SON: variants seen among roughly 807,000 people sequenced by gnomAD.
The protein encoded by SON is SON DNA and RNA binding protein.
In SON, 4 loss-of-function variants were observed where a neutral mutation model predicts 173.3. That is an observed-to-expected ratio of 0.02 (90% CI 0.01 to 0.05). The LOEUF (loss-of-function observed/expected upper bound fraction) is 0.05. SON is among the 10% of genes least tolerant of loss of function. SON has a pLI of 1.00. For synonymous variants in SON, 1,190 were observed against 1,105.9 expected, an observed-to-expected ratio of 1.08 and a Z score of -1.51; for missense variants, 2,626 against 3,055.3, an observed-to-expected ratio of 0.86 and a Z score of 3.31.
chr21:33,546,348 G>A lies in SON; in HGVS notation c.213G>A (p.Gly71=), dbSNP rs1293409312. 2 of 1,612,098 alleles carry A rather than the reference G, an allele frequency of 1.2e-6. No homozygotes were observed. Among genetic ancestry groups the A allele is most frequent in the African/African-American group, 2.7e-5 (2 of 74,892 alleles). The change falls in exon 2 of 12, where the codon GGG becomes GGA. Residue 71 remains glycine (G), a synonymous_variant. Transcript: ENST00000356577. ...IVQKIEEVLS[G]VLDTELRYKP... ...AGAAGATAGAGGAAGTACTTTCTGG[G>A]GTCTTAGATACAGAACTACGATATA...
rs2086041373 is a variant in SON, at chr21:33,559,983, G to A, written c.6657+208G>A. On this transcript the variant is annotated intron_variant, in intron 6 of 11. Coordinates refer to ENST00000356577, the MANE Select transcript of SON (RefSeq NM_138927.4). This position sits in a 1 kb window ranked among gnomAD's most constrained non-coding sequence, Gnocchi z 4.1. Reference sequence around the variant, plus strand: ...TCACTTTGTGGAACCAAGCCACAAAGTGAAAAGCATCGAATTGCAGAGAAC... The same window carrying A: ...TCACTTTGTGGAACCAAGCCACAAAATGAAAAGCATCGAATTGCAGAGAAC... 1 of 1,614,210 alleles carries A rather than the reference G, an allele frequency of 6.2e-7. No homozygotes were observed. Among genetic ancestry groups the A allele is most frequent in the Non-Finnish European group, 8.5e-7 (1 of 1,180,020 alleles).
rs190642317 is a variant in SON, at chr21:33,548,754, G to T, written c.245-722G>T. Among the ~76,000 whole-genome samples, 68 of 152,282 alleles carry T rather than the reference G, an allele frequency of 4.5e-4. 3 individuals carry two copies. The East Asian group carries it at 0.012, about 28-fold the overall frequency. ...CATGTTGCTTCCTGTATAAACAAGG[G>T]TTAATAATCGCAAAAATTATATTAT... On this transcript the variant is annotated intron_variant, in intron 2 of 11. Coordinates refer to ENST00000356577, the MANE Select transcript of SON (RefSeq NM_138927.4).
chr21:33,554,726 C>G lies in SON; in HGVS notation c.5495C>G (p.Ser1832Cys), dbSNP rs2085919109. 1 of 1,613,884 alleles carries G rather than the reference C, an allele frequency of 6.2e-7. No homozygotes were observed. The highest frequency in any genetic ancestry group is 8.5e-7 in the Non-Finnish European group (1 of 1,180,030). ...LRSRSKRSKS[S>C]EHKSRKRTSE... ...TCTCGAAGTAAGCGTTCCAAATCTT[C>G]TGAACACAAATCACGCAAGCGTACC... The change falls in exon 3 of 12, where the codon TCT (serine) becomes TGT (cysteine). Residue 1832 changes from serine (S) to cysteine (C), a missense_variant. Ser to Cys is a moderately radical substitution (Grantham distance 112). Coordinates refer to ENST00000356577, the MANE Select transcript of SON (RefSeq NM_138927.4).
At chr21:33,560,493 A>C in intron 6 of SON, 3 of 1,008,016 alleles carry the variant, frequency 3.0e-6, no homozygotes, top group Non-Finnish European at 3.6e-6. Context: ...GCCAAGTGTC[A>C]AAACAACCCC....
chr21:33,565,770 TTAACA>T (rs2086157649), intron 6 of SON, among the ~76,000 whole-genome samples: 1 of 152,226 alleles, frequency 6.6e-6, no homozygotes, highest in African/African-American at 2.4e-5. Context: ...GATTTATATA[TTAACA>T]TAAACAGTCT....
In SON at chr21:33,553,288, G is replaced by C. The variant is rs758273176; in HGVS notation, c.4057G>C (p.Glu1353Gln). ...ILEPPAMAAP[E>Q]SSAMAVLESS... ...GGAGCCGCCAGCCATGGCTGCCCCA[G>C]AGTCTTCAGCTATGGCTGTCCTGGA... is the stretch of plus-strand genomic sequence containing the variant. The change falls in exon 3 of 12, where the codon GAG (glutamate) becomes CAG (glutamine). Residue 1353 changes from glutamate (E) to glutamine (Q), a missense_variant. Transcript: ENST00000356577. 1.2e-6 allele frequency: 2 copies of C among 1,614,208 alleles called. No homozygotes were observed. The highest frequency in any genetic ancestry group is 1.7e-6 in the Non-Finnish European group (2 of 1,180,018).
chr21:33,564,714 G>A (rs1311139834), intron 6 of SON, among the ~76,000 whole-genome samples: 1 of 152,000 alleles, frequency 6.6e-6, no homozygotes, highest in African/African-American at 2.4e-5. Flanking sequence ...TACAAAATTA[G>A]CCGGGGGTGG....
intron 4 of SON, 154 bp downstream of exon 4, chr21:33,557,470 C>CG: frequency 6.5e-7 from 1 of 1,547,942 alleles, no homozygotes; most frequent in Non-Finnish European, 8.7e-7. Context: ...GGCAGAAGCT[C>CG]TGTTTAGCAG....
intron 4 of SON, 182 bp downstream of exon 4, chr21:33,557,498 C>T (rs2085991272): frequency 6.4e-7 from 1 of 1,550,948 alleles, no homozygotes; most frequent in Non-Finnish European, 8.7e-7. Flanking sequence ...TCCGGGATGG[C>T]TAAGCTCCGC....
chr21:33,551,542 A>G lies in SON; in HGVS notation c.2311A>G (p.Met771Val), dbSNP rs1366809164. Residue 771 changes from methionine (M) to valine (V), a missense_variant, in exon 3 of 12, where the codon ATG becomes GTG. Physicochemically the swap from Met to Val is conservative, Grantham distance 21. Around this residue, in one of 13 missense-constraint regions of SON, gnomAD observed 182 missense variants for 193.6 expected, o/e 0.94. Transcript: ENST00000356577. ...MDSQMLATSS[M>V]DSQMLATSSM... Reference sequence around the variant, plus strand: ...CTCCCAGATGTTAGCAACTAGCTCCATGGACTCCCAGATGTTAGCAACTAG... The same window carrying G: ...CTCCCAGATGTTAGCAACTAGCTCCGTGGACTCCCAGATGTTAGCAACTAG... The G allele has an allele frequency of 1.9e-6, 3 of 1,613,826 alleles. No individual in the cohort carries two copies. Among genetic ancestry groups the G allele is most frequent in the Non-Finnish European group, 2.5e-6 (3 of 1,179,982 alleles).
intron 8 of SON, chr21:33,569,760 G>C (rs771703623): frequency 3.2e-6 from 1 of 309,844 alleles, no homozygotes; most frequent in African/African-American, 2.3e-5. Flanking sequence ...CTGGAGTGGG[G>C]TGGGCTGTGG....
Position 33,551,760 on chromosome 21 carries a change from T to G in SON, c.2529T>G (p.Ser843=). Residue 843 remains serine (S), a synonymous_variant, in exon 3 of 12, where the codon TCT becomes TCG. Transcript: ENST00000356577. Reference sequence around the variant, plus strand: ...TGTTAGCAACCAGCACCATGGATTCTCAGATGTTAGCAACCAGCACCATGG... The same window carrying G: ...TGTTAGCAACCAGCACCATGGATTCGCAGATGTTAGCAACCAGCACCATGG... ...SQMLATSTMD[S]QMLATSTMDS... 1 of 1,576,596 alleles carries G rather than the reference T, an allele frequency of 6.3e-7. No individual in the cohort carries two copies. Among genetic ancestry groups the G allele is most frequent in the South Asian group, 1.1e-5 (1 of 89,600 alleles).
rs2086230152 is a variant in SON at position 33,569,107 on chromosome 21, A to G, written c.6885+20A>G. 1 of 1,388,580 alleles carries G rather than the reference A, an allele frequency of 7.2e-7. No homozygotes were observed. Among genetic ancestry groups the G allele is most frequent in the East Asian group, 2.3e-5 (1 of 43,662 alleles). The allele number at this position is 1,388,580 out of a possible 1,614,324, so 86.0% of individuals were successfully genotyped here. On this transcript the variant is annotated intron_variant, in intron 8 of 11. Coordinates refer to ENST00000356577, the MANE Select transcript of SON (RefSeq NM_138927.4). ...AAAAAGGTACACAGTATATGCACATATGAAAGTGTCGAACAAAAAGTTTAA... is the reference window on the plus strand; with the variant it reads ...AAAAAGGTACACAGTATATGCACATGTGAAAGTGTCGAACAAAAAGTTTAA...
chr21:33,554,356 C>G lies in SON; in HGVS notation c.5125C>G (p.Pro1709Ala), dbSNP rs1402718265. ...AAGTAGTGGAGGAGAAAAAGAAGTA[C>G]CTCCCCCTCCTAAAGAGACACTGCC... ...KESSGGEKEVPPPPKETLPDS... is the reference protein window; with the variant it reads ...KESSGGEKEVAPPPKETLPDS... Residue 1709 changes from proline (P) to alanine (A), a missense_variant, in exon 3 of 12, where the codon CCT (proline) becomes GCT (alanine). By Grantham distance (27) the Pro-to-Ala change is conservative (BLOSUM62 -1). This residue lies in a region of SON where 1,006 missense variants were observed against 895.6 expected (regional missense o/e 1.12). Coordinates refer to ENST00000356577, the MANE Select transcript of SON (RefSeq NM_138927.4). 1 of 1,614,010 alleles carries G rather than the reference C, an allele frequency of 6.2e-7. No homozygotes were observed. Among genetic ancestry groups the G allele is most frequent in the Non-Finnish European group, 8.5e-7 (1 of 1,179,906 alleles).
chr21:33,545,631 C>T (rs928020489), intron 1 of SON, among the ~76,000 whole-genome samples: 8 of 152,098 alleles, frequency 5.3e-5, no homozygotes, highest in African/African-American at 1.9e-4. Context: ...TTTTATAAAC[C>T]AGAGTTCTTG....
At chr21:33,566,555 TAA>T (rs748402500) in intron 6 of SON, among the ~76,000 whole-genome samples, 3 of 152,106 alleles carry the variant, frequency 2.0e-5, no homozygotes, top group Non-Finnish European at 1.5e-5. Context: ...ATATAAGTAA[TAA>T]GTGTGTATAA....
At chr21:33,576,099 A>AAT (rs1379825401) in intron 11 of SON, among the ~76,000 whole-genome samples, 1 of 152,068 alleles carries the variant, frequency 6.6e-6, no homozygotes, top group Non-Finnish European at 1.5e-5. Context: ...AAAAGGGTAA[A>AAT]ATATAGTATA....
chr21:33,569,310 T>A (rs916189230), intron 8 of SON: 39 of 470,198 alleles, frequency 8.3e-5, no homozygotes, highest in East Asian at 5.6e-4. Context: ...AAGGTTATTT[T>A]AAAAATTGTT....
chr21:33,560,857 T>C (rs900534578), intron 6 of SON: 1 of 152,700 alleles, frequency 6.5e-6, no homozygotes, highest in Non-Finnish European at 1.5e-5. Flanking sequence ...CTTGGATATG[T>C]AGATCAGAGA....
Sources: allele counts gnomAD v4.1 joint callset (sites outside exome capture counted in the v4.1 genomes callset), GRCh38; gene constraint gnomAD v4.1.1; regional missense constraint gnomAD v4.1.1; non-coding constraint Gnocchi (gnomAD v3.1); transcripts MANE v1.5; gene names NCBI Gene and HGNC (gene_info 2026-07-23, HGNC 2026-07-21).